TEC: variants seen among roughly 807,000 people sequenced by gnomAD.
TEC encodes tec protein tyrosine kinase.
A neutral mutation model predicts 93.0 loss-of-function variants in TEC; 72 were observed. The observed-to-expected ratio is 0.77, with a 90% CI of 0.64 to 0.94. The LOEUF (loss-of-function observed/expected upper bound fraction) is 0.94, where lower values mean the gene tolerates loss of function less well. Among genes scored for constraint, TEC ranks in the 40% least tolerant of loss-of-function variants. The pLI, the probability that TEC is intolerant of heterozygous loss-of-function variation, is 0.00. For synonymous variants in TEC, 249 were observed against 247.7 expected (o/e 1.01, Z -0.05); for missense variants, 630 against 757.9 (o/e 0.83, Z 1.98).
Position 48,259,490 on chromosome 4 carries a change from C to T in TEC, c.-46+10262G>A, listed in dbSNP as rs139129738. Reference sequence around the variant, plus strand: ...CAGCACTTTGGGAGGCTGAAGCTGGCAGATCACTTGAGGTCAGGAGTTCGA... The same window carrying T: ...CAGCACTTTGGGAGGCTGAAGCTGGTAGATCACTTGAGGTCAGGAGTTCGA... On this transcript the variant is annotated intron_variant, in intron 1 of 17. Coordinates refer to ENST00000381501, the MANE Select transcript of TEC (RefSeq NM_003215.3). Among the ~76,000 whole-genome samples, 1,203 of 152,162 alleles carry T rather than the reference C, an allele frequency of 7.9e-3. 7 individuals carry two copies. The highest frequency in any genetic ancestry group is 0.055 in the Middle Eastern group (16 of 292).
chr4:48,193,212 ACTC>A (rs758378881), intron 2 of TEC, among the ~76,000 whole-genome samples: 1 of 151,004 alleles, frequency 6.6e-6, no homozygotes, highest in Non-Finnish European at 1.5e-5. Flanking sequence ...CCCAGACTGA[ACTC>A]CTGGGATCAA....
intron 1 of TEC, among the ~76,000 whole-genome samples, chr4:48,250,672 T>C (rs1398642846): frequency 6.6e-6 from 1 of 152,114 alleles, no homozygotes; most frequent in Non-Finnish European, 1.5e-5. Flanking sequence ...AGAGCAGAGT[T>C]GATCCAAACA....
At chr4:48,221,725 G>T (rs1339467181) in intron 2 of TEC, among the ~76,000 whole-genome samples, 1 of 152,040 alleles carries the variant, frequency 6.6e-6, no homozygotes, top group Non-Finnish European at 1.5e-5. Flanking sequence ...TCAACCTCTG[G>T]TGCTTCTGCC....
chr4:48,268,925 A>G (rs1297486422), intron 1 of TEC, among the ~76,000 whole-genome samples: 6 of 152,222 alleles, frequency 3.9e-5, no homozygotes, highest in Non-Finnish European at 8.8e-5. Flanking sequence ...GGTACACACC[A>G]CCATGTTACA....
chr4:48,147,805 C>G (rs934413039), intron 11 of TEC, among the ~76,000 whole-genome samples: 1 of 152,076 alleles, frequency 6.6e-6, no homozygotes, highest in Non-Finnish European at 1.5e-5. Flanking sequence ...GGTTGTAACT[C>G]AATAATAGGT....
chr4:48,157,454 T>A (rs1437626709), intron 8 of TEC, among the ~76,000 whole-genome samples: 4 of 152,174 alleles, frequency 2.6e-5, no homozygotes, highest in Admixed American at 2.6e-4. Context: ...AAGCAGCTGG[T>A]CTTCCCTCCC....
chr4:48,254,081 G>C (rs986887471), intron 1 of TEC, among the ~76,000 whole-genome samples: 1 of 152,094 alleles, frequency 6.6e-6, no homozygotes, highest in Non-Finnish European at 1.5e-5. Flanking sequence ...CTTTTATGAA[G>C]TCTCCCTTAT....
intron 2 of TEC, among the ~76,000 whole-genome samples, chr4:48,218,119 A>G (rs1577648034): frequency 6.6e-6 from 1 of 152,336 alleles, no homozygotes; most frequent in Non-Finnish European, 1.5e-5. Context: ...AAACACAGAT[A>G]TGAATCAGAA....
At chr4:48,264,537 C>T (rs76565310) in intron 1 of TEC, among the ~76,000 whole-genome samples, 13,600 of 152,228 alleles carry the variant, frequency 0.089, 762 homozygotes, top group South Asian at 0.18. Context: ...AGGACTCTCA[C>T]CAGCCCAAGA....
chr4:48,152,208 T>C (rs1305145629), intron 9 of TEC, among the ~76,000 whole-genome samples: 3 of 152,052 alleles, frequency 2.0e-5, no homozygotes, highest in Admixed American at 6.6e-5. Flanking sequence ...GGCAGATCAG[T>C]TGAGGTCGTG....
rs943941836 is a variant in TEC at position 48,143,662 on chromosome 4, A to C, written c.1470+1417T>G. ...TAGGAAATAAAGTGTTCCATCTCCA[A>C]ATCTTCAATTCTCTAATATGTTTTA... On this transcript the variant is annotated intron_variant, in intron 14 of 17. Coordinates refer to ENST00000381501, the MANE Select transcript of TEC (RefSeq NM_003215.3). Among the ~76,000 whole-genome samples, 5 of 152,308 alleles carry C rather than the reference A, an allele frequency of 3.3e-5. No individual in the cohort carries two copies. In the South Asian group the frequency reaches 1.0e-3, roughly 32 times the overall value.
chr4:48,163,712 C>G lies in TEC; in HGVS notation c.727G>C (p.Asp243His). ...YVTGKKSNNL[D>H]QYEWYCRNMN... ...TAAACATTTACTTACTCATATTGAT[C>G]TAAGTTGTTTGATTTCTTTCCCGTT... is the stretch of plus-strand genomic sequence containing the variant. Residue 243 changes from aspartate (D) to histidine (H), a missense_variant, in exon 8 of 18, where the codon GAT becomes CAT. Around this residue, in one of 3 missense-constraint regions of TEC, gnomAD observed 335 missense variants for 351.5 expected, o/e 0.95. Transcript: ENST00000381501. 1 of 1,487,342 alleles carries G rather than the reference C, an allele frequency of 6.7e-7. No homozygotes were observed. The highest frequency in any genetic ancestry group is 9.1e-7 in the Non-Finnish European group (1 of 1,095,476). 92.1% of individuals were successfully genotyped at this position (1,487,342 alleles called of 1,614,324 possible). A position where few individuals can be genotyped will look rare whatever the true frequency, so the allele number is the denominator to read the frequency against.
intron 2 of TEC, among the ~76,000 whole-genome samples, chr4:48,180,104 A>G (rs912411930): frequency 3.3e-5 from 5 of 152,148 alleles, no homozygotes; most frequent in Admixed American, 1.3e-4. Context: ...ATACTCTGTG[A>G]TATATAATCT....
At chr4:48,182,944 AC>A (rs1721652295) in intron 2 of TEC, among the ~76,000 whole-genome samples, 2 of 152,174 alleles carry the variant, frequency 1.3e-5, no homozygotes. Context: ...CAGAGTCCCC[AC>A]CACACACAGG....
At chr4:48,258,969 G>C (rs1724417442) in intron 1 of TEC, among the ~76,000 whole-genome samples, 1 of 152,142 alleles carries the variant, frequency 6.6e-6, no homozygotes. Context: ...AAAGTCCAAG[G>C]AAAATTCCAC....
chr4:48,231,494 C>T (rs1021895212), intron 1 of TEC, among the ~76,000 whole-genome samples: 8 of 152,172 alleles, frequency 5.3e-5, no homozygotes, highest in East Asian at 3.9e-4. Flanking sequence ...CGGTGGCTCA[C>T]GCCTGTAATC....
At chr4:48,268,656 C>T (rs1294168097) in intron 1 of TEC, among the ~76,000 whole-genome samples, 3 of 152,170 alleles carry the variant, frequency 2.0e-5, no homozygotes, top group African/African-American at 7.2e-5. Context: ...TTGGGAGATC[C>T]GCTGGTTTGT....
intron 9 of TEC, among the ~76,000 whole-genome samples, chr4:48,152,253 C>G (rs1246980072): frequency 6.6e-6 from 1 of 151,934 alleles, no homozygotes; most frequent in East Asian, 1.9e-4. Context: ...TGGCAGAACC[C>G]CACCTCTACT....
intron 1 of TEC, among the ~76,000 whole-genome samples, chr4:48,245,710 T>A (rs1452518630): frequency 1.3e-5 from 2 of 152,154 alleles, no homozygotes; most frequent in East Asian, 1.9e-4. Context: ...GCCAAAATTA[T>A]AAACATAATA....
Sources: gnomAD v4.1 joint callset for allele counts (sites outside exome capture counted in the v4.1 genomes callset) on GRCh38, gnomAD v4.1.1 for gene constraint, gnomAD v4.1.1 regional missense constraint, MANE v1.5 for transcripts, NCBI Gene and HGNC (gene_info 2026-07-23, HGNC 2026-07-21) for gene names.